SNTG2: variants seen among roughly 807,000 people sequenced by gnomAD.
SNTG2 encodes the protein gamma-2-syntrophin.
SNTG2 carries 74 observed loss-of-function variants against 70.9 expected under a neutral mutation model. That is an observed-to-expected ratio of 1.04 (90% CI 0.86 to 1.27). The LOEUF (loss-of-function observed/expected upper bound fraction) is 1.27. SNTG2 is among the 50% of genes most tolerant of loss of function. The pLI is 0.00. For missense variants in SNTG2, 717 were observed against 690.7 expected, an observed-to-expected ratio of 1.04 and a Z score of -0.43; for synonymous variants, 278 against 273.8, an observed-to-expected ratio of 1.02 and a Z score of -0.15.
intron 16 of SNTG2, among the ~76,000 whole-genome samples, chr2:1,338,477 T>G (rs1174371071): frequency 6.6e-6 from 1 of 152,202 alleles, no homozygotes; most frequent in Non-Finnish European, 1.5e-5. Flanking sequence ...TTTCTTAATT[T>G]CTTTTTCAGA....
At chr2:1,132,596 C>T (rs1322413837) in intron 4 of SNTG2, among the ~76,000 whole-genome samples, 2 of 152,206 alleles carry the variant, frequency 1.3e-5, no homozygotes, top group Non-Finnish European at 2.9e-5. Flanking sequence ...TCTAGGTTGT[C>T]TGTTCTGGAG....
chr2:1,019,070 T>G (rs2148006970), intron 1 of SNTG2, among the ~76,000 whole-genome samples: 1 of 152,290 alleles, frequency 6.6e-6, no homozygotes, highest in Non-Finnish European at 1.5e-5. Context: ...TTCGAGCAGG[T>G]GCTGTTAGGG....
intron 8 of SNTG2, among the ~76,000 whole-genome samples, chr2:1,189,911 T>C (rs1013711661): frequency 2.0e-5 from 3 of 151,918 alleles, no homozygotes; most frequent in South Asian, 4.2e-4. Context: ...CTTGGAAAAA[T>C]AAGGAAGCTT....
intron 16 of SNTG2, among the ~76,000 whole-genome samples, chr2:1,328,696 C>G (rs544125857): frequency 6.6e-6 from 1 of 152,258 alleles, no homozygotes; most frequent in South Asian, 2.1e-4. Flanking sequence ...TGGAGAAACA[C>G]ACAAAATGAG....
At chr2:1,091,407 A>G (rs1454640252) in intron 2 of SNTG2, among the ~76,000 whole-genome samples, 1 of 152,194 alleles carries the variant, frequency 6.6e-6, no homozygotes, top group Non-Finnish European at 1.5e-5. Flanking sequence ...AGAGGAGAAG[A>G]GCATCTTCAG....
intron 4 of SNTG2, chr2:1,102,647 G>A (rs78913930): frequency 0.14 from 21,101 of 152,330 alleles, 1,579 homozygotes; most frequent in Admixed American, 0.16. Flanking sequence ...TCCGTGCTGC[G>A]TTTCAGGGCT....
At chr2:1,085,298 T>C (rs1043653811) in intron 2 of SNTG2, among the ~76,000 whole-genome samples, 1 of 152,242 alleles carries the variant, frequency 6.6e-6, no homozygotes, top group African/African-American at 2.4e-5. Flanking sequence ...GTTTTTATGC[T>C]GTATTGGCTA....
chr2:1,257,743 T>A (rs941234607), intron 12 of SNTG2, among the ~76,000 whole-genome samples: 3 of 152,160 alleles, frequency 2.0e-5, no homozygotes, highest in African/African-American at 7.2e-5. Context: ...ACAATGTCCA[T>A]CACAAAGATA....
intron 2 of SNTG2, among the ~76,000 whole-genome samples, chr2:1,092,745 A>G (rs1250274936): frequency 6.6e-6 from 1 of 152,242 alleles, no homozygotes; most frequent in Non-Finnish European, 1.5e-5. Context: ...TGAGAAATGT[A>G]TAATTGATAA....
At chr2:1,038,821 A>G (rs1430127304) in intron 1 of SNTG2, among the ~76,000 whole-genome samples, 1 of 152,208 alleles carries the variant, frequency 6.6e-6, no homozygotes, top group Non-Finnish European at 1.5e-5. Flanking sequence ...TTAATTTCAC[A>G]GTCAAATGTG....
chr2:1,025,637 C>T lies in SNTG2; in HGVS notation c.73-57881C>T, dbSNP rs531606423. Among the ~76,000 whole-genome samples the T allele has an allele frequency of 3.0e-4, 46 of 152,320 alleles. 2 individuals carry two copies. The South Asian group carries it at 9.3e-3, about 31-fold the overall frequency. ...GCTACGTCCTCCATCTTCACATCAT[C>T]TTCACAGCCAGCGGTGCAGCGTCTC... On this transcript the variant is annotated intron_variant, in intron 1 of 16. Transcript: ENST00000308624.
At chr2:994,083 G>C (rs1661594851) in intron 1 of SNTG2, among the ~76,000 whole-genome samples, 1 of 151,952 alleles carries the variant, frequency 6.6e-6, no homozygotes. Context: ...AGATTATAAA[G>C]ATACACTCCT....
intron 6 of SNTG2, 54 bp from the exon 7 acceptor site, chr2:1,165,494 C>A (rs1487930805): frequency 5.4e-6 from 8 of 1,468,964 alleles, no homozygotes; most frequent in Non-Finnish European, 6.6e-6. Context: ...TTTTTTAATT[C>A]TGTGTCTGGT....
At chr2:1,027,475 A>G (rs56157511) in intron 1 of SNTG2, among the ~76,000 whole-genome samples, 13,364 of 148,276 alleles carry the variant, frequency 0.09, 437 homozygotes, top group Middle Eastern at 0.14. Flanking sequence ...ATCTCTGTTG[A>G]GTAAAGAGAT....
intron 6 of SNTG2, among the ~76,000 whole-genome samples, chr2:1,140,293 C>G (rs1204107544): frequency 1.3e-5 from 2 of 152,208 alleles, no homozygotes; most frequent in East Asian, 1.9e-4. Context: ...ATAGTTTCCC[C>G]TTTTTAGTAC....
chr2:1,320,419 C>G (rs1406414280), intron 16 of SNTG2, among the ~76,000 whole-genome samples: 1 of 151,288 alleles, frequency 6.6e-6, no homozygotes, highest in African/African-American at 2.4e-5. Flanking sequence ...GTAGTCCCAG[C>G]TACTCAGGAG....
At chr2:1,041,242 G>A (rs1205866281) in intron 1 of SNTG2, among the ~76,000 whole-genome samples, 1 of 152,166 alleles carries the variant, frequency 6.6e-6, no homozygotes, top group Non-Finnish European at 1.5e-5. Context: ...GGATTTGTCA[G>A]CCTTTACCAC....
At chr2:976,570 C>T (rs1558289070) in intron 1 of SNTG2, among the ~76,000 whole-genome samples, 2 of 152,218 alleles carry the variant, frequency 1.3e-5, no homozygotes, top group Non-Finnish European at 2.9e-5. Context: ...CATGACAGTG[C>T]TCCGGTGTGC....
intron 1 of SNTG2, among the ~76,000 whole-genome samples, chr2:964,129 G>A (rs1418696264): frequency 1.3e-5 from 2 of 152,188 alleles, no homozygotes; most frequent in African/African-American, 4.8e-5. Flanking sequence ...CCAGGCGTCA[G>A]CACTACCTCT....
Sources: allele counts gnomAD v4.1 joint callset (sites outside exome capture counted in the v4.1 genomes callset), GRCh38; gene constraint gnomAD v4.1.1; transcripts MANE v1.5; gene names NCBI Gene and HGNC (gene_info 2026-07-23, HGNC 2026-07-21).